Variants in SMYD3 observed in about 807,000 individuals in gnomAD.
SMYD3 encodes histone-lysine N-methyltransferase SMYD3.
In SMYD3, 36 loss-of-function variants were observed where a neutral mutation model predicts 57.7. The ratio of observed to expected loss-of-function variants is 0.62; its 90% CI spans 0.48 to 0.82. SMYD3 has a LOEUF of 0.82. Among genes scored for constraint, SMYD3 ranks in the 40% least tolerant of loss-of-function variants. The probability of loss-of-function intolerance (pLI) is 0.00; values close to 1 mark genes in which losing one functional copy is unlikely to be tolerated. For synonymous variants in SMYD3, 211 were observed against 195.0 expected (o/e 1.08, Z -0.68); for missense variants, 515 against 538.8 (o/e 0.96, Z 0.44).
chr1:245,956,559 C>T (rs2057849850), intron 5 of SMYD3, among the ~76,000 whole-genome samples: 1 of 152,170 alleles, frequency 6.6e-6, no homozygotes, highest in Non-Finnish European at 1.5e-5. Context: ...GTCCTACAAA[C>T]CACTGTAGTT....
chr1:246,473,347 C>T (rs1460875820), intron 1 of SMYD3, among the ~76,000 whole-genome samples: 1 of 152,050 alleles, frequency 6.6e-6, no homozygotes, highest in Non-Finnish European at 1.5e-5. Flanking sequence ...TGTTATTATT[C>T]ATTTTATGTT....
intron 5 of SMYD3, chr1:246,035,106 C>A (rs192876678): frequency 6.6e-6 from 1 of 152,174 alleles, no homozygotes; most frequent in African/African-American, 2.4e-5. Flanking sequence ...GAGATAAAAT[C>A]ACCCAGGAGG....
At chr1:246,222,535 T>C (rs2063272720) in intron 5 of SMYD3, among the ~76,000 whole-genome samples, 1 of 152,172 alleles carries the variant, frequency 6.6e-6, no homozygotes, top group Non-Finnish European at 1.5e-5. Flanking sequence ...CTGAGAATTA[T>C]ATAAAATATA....
intron 5 of SMYD3, among the ~76,000 whole-genome samples, chr1:246,287,443 AAGTTAGGACTCCAGAAGAACTT>A (rs1265765383): frequency 6.6e-6 from 1 of 152,184 alleles, no homozygotes; most frequent in Non-Finnish European, 1.5e-5. Flanking sequence ...TCCATCTGTT[AAGTTAGGACTCCAGAAGAACTT>A]ACCGCTATGT....
At chr1:245,808,237 G>C (rs1299524358) in intron 10 of SMYD3, among the ~76,000 whole-genome samples, 3 of 152,106 alleles carry the variant, frequency 2.0e-5, no homozygotes, top group Non-Finnish European at 4.4e-5. Flanking sequence ...CAGATCTAAA[G>C]ATGGCATACT....
chr1:246,163,421 T>A (rs556630728), intron 5 of SMYD3, among the ~76,000 whole-genome samples: 3 of 152,258 alleles, frequency 2.0e-5, no homozygotes, highest in African/African-American at 7.2e-5. Context: ...TTTAATTTTA[T>A]AGGCTTATAC....
intron 1 of SMYD3, among the ~76,000 whole-genome samples, chr1:246,429,168 C>A (rs1279244523): frequency 6.6e-6 from 1 of 151,502 alleles, no homozygotes; most frequent in East Asian, 2.0e-4. Flanking sequence ...GTCTACCCCA[C>A]CAAACCTGCA....
intron 10 of SMYD3, among the ~76,000 whole-genome samples, chr1:245,813,416 C>T (rs2048610230): frequency 6.6e-6 from 1 of 152,146 alleles, no homozygotes; most frequent in Non-Finnish European, 1.5e-5. Context: ...AGCACAGCAG[C>T]TGGCCTGAAG....
chr1:246,174,646 T>C (rs543617261), intron 5 of SMYD3, among the ~76,000 whole-genome samples: 209 of 152,232 alleles, frequency 1.4e-3, no homozygotes, highest in Non-Finnish European at 2.1e-3. Flanking sequence ...GGGGTTTCAC[T>C]ATGTTGGCCA....
intron 1 of SMYD3, among the ~76,000 whole-genome samples, chr1:246,405,361 CAA>C (rs1025879944): frequency 4.8e-4 from 73 of 152,214 alleles, no homozygotes; most frequent in African/African-American, 1.7e-3. Flanking sequence ...TGGTAACACT[CAA>C]AATCTGCCTT....
chr1:246,083,004 C>T (rs61595214), intron 5 of SMYD3, among the ~76,000 whole-genome samples: 83 of 145,186 alleles, frequency 5.7e-4, no homozygotes, highest in South Asian at 9.2e-4. Context: ...CCTCTGCCTA[C>T]GAAAGCCAGG....
At chr1:246,158,875 G>C (rs1300920422) in intron 5 of SMYD3, among the ~76,000 whole-genome samples, 3 of 152,170 alleles carry the variant, frequency 2.0e-5, no homozygotes, top group Non-Finnish European at 4.4e-5. Flanking sequence ...TCTCAGTACA[G>C]ATAGAGCAAT....
intron 5 of SMYD3, among the ~76,000 whole-genome samples, chr1:246,006,864 C>A (rs12732350): frequency 6.6e-6 from 1 of 152,040 alleles, no homozygotes; most frequent in Admixed American, 6.5e-5. Context: ...GATCAAGGAG[C>A]CTGGAGCCTC....
At chr1:246,345,265 A>G (rs2065694761) in intron 2 of SMYD3, among the ~76,000 whole-genome samples, 1 of 152,166 alleles carries the variant, frequency 6.6e-6, no homozygotes, top group African/African-American at 2.4e-5. Flanking sequence ...TTTTACTTTT[A>G]TCATTTATTT....
intron 5 of SMYD3, among the ~76,000 whole-genome samples, chr1:246,321,372 G>C (rs2065245272): frequency 1.3e-5 from 2 of 152,180 alleles, no homozygotes; most frequent in Admixed American, 1.3e-4. Flanking sequence ...GATCCTCCTT[G>C]AAATCTATGA....
At chr1:246,188,720 G>A (rs1412100195) in intron 5 of SMYD3, among the ~76,000 whole-genome samples, 2 of 152,002 alleles carry the variant, frequency 1.3e-5, no homozygotes, top group Non-Finnish European at 2.9e-5. Flanking sequence ...CAACACTTTG[G>A]GGGGCCAAAG....
At chr1:246,054,320 G>C (rs908922216) in intron 5 of SMYD3, among the ~76,000 whole-genome samples, 1 of 152,106 alleles carries the variant, frequency 6.6e-6, no homozygotes, top group Non-Finnish European at 1.5e-5. Context: ...ACTACTGGGG[G>C]GAACACGAAA....
At chr1:246,223,560 T>C (rs2063286892) in intron 5 of SMYD3, among the ~76,000 whole-genome samples, 1 of 152,154 alleles carries the variant, frequency 6.6e-6, no homozygotes, top group South Asian at 2.1e-4. Context: ...ATCTTATGTA[T>C]ATACTGAAAA....
At chr1:246,206,432 G>C (rs1324716189) in intron 5 of SMYD3, among the ~76,000 whole-genome samples, 1 of 151,854 alleles carries the variant, frequency 6.6e-6, no homozygotes, top group Non-Finnish European at 1.5e-5. Flanking sequence ...TAGACTCAAA[G>C]AATCTCACAG....
Sources: gnomAD v4.1 joint callset for allele counts (sites outside exome capture counted in the v4.1 genomes callset) on GRCh38, gnomAD v4.1.1 for gene constraint, MANE v1.5 for transcripts, NCBI Gene and HGNC (gene_info 2026-07-23, HGNC 2026-07-21) for gene names.